GRIP1: variants seen among roughly 807,000 people sequenced by gnomAD.
The protein encoded by GRIP1 is glutamate receptor interacting protein 1.
Under a neutral mutation model 129.9 loss-of-function variants are expected in GRIP1, and 45 were observed. The observed-to-expected ratio is 0.35, with a 90% confidence interval of 0.27 to 0.44. The LOEUF (loss-of-function observed/expected upper bound fraction) is 0.44, where lower values mean the gene tolerates loss of function less well. Among genes scored for constraint, GRIP1 ranks in the 20% least tolerant of loss-of-function variants. GRIP1 has a pLI of 1.00. For synonymous variants in GRIP1, 530 were observed against 520.8 expected (o/e 1.02, Z -0.24); for missense variants, 1,196 against 1,396.8 (o/e 0.86, Z 2.29).
intron 1 of GRIP1, among the ~76,000 whole-genome samples, chr12:66,598,604 C>A (rs2064149446): frequency 6.6e-6 from 1 of 152,200 alleles, no homozygotes. Flanking sequence ...GCGCTTTTCT[C>A]ACAGTGTTAA....
chr12:66,388,993 T>C (rs1454575063), intron 19 of GRIP1, among the ~76,000 whole-genome samples: 1 of 152,174 alleles, frequency 6.6e-6, no homozygotes, highest in East Asian at 1.9e-4. Flanking sequence ...TAAGGAATGT[T>C]GCTGCAAAGA....
intron 1 of GRIP1, among the ~76,000 whole-genome samples, chr12:66,876,784 T>C (rs1284228739): frequency 1.3e-5 from 2 of 152,022 alleles, no homozygotes; most frequent in South Asian, 2.1e-4. Flanking sequence ...GGGCATTTGG[T>C]AGGCAAAGTT....
At chr12:66,358,299 A>G (rs1429435055) in intron 23 of GRIP1, among the ~76,000 whole-genome samples, 3 of 152,088 alleles carry the variant, frequency 2.0e-5, no homozygotes, top group East Asian at 3.8e-4. Context: ...TGTCCTTTTG[A>G]TAGGATCCAT....
chr12:66,983,446 TGACA>T (rs2042266845), intron 1 of GRIP1, among the ~76,000 whole-genome samples: 1 of 152,168 alleles, frequency 6.6e-6, no homozygotes, highest in South Asian at 2.1e-4. Flanking sequence ...GTAATCTTAC[TGACA>T]ATGAATGGAC....
chr12:66,579,372 C>T lies in GRIP1; in HGVS notation c.136+17475G>A, dbSNP rs1488475198. Among the ~76,000 whole-genome samples, 4 of 152,298 alleles carry T rather than the reference C, an allele frequency of 2.6e-5. No homozygotes were observed. The East Asian group carries it at 5.8e-4, about 22-fold the overall frequency. On this transcript the variant is annotated intron_variant, in intron 2 of 24. Transcript: ENST00000359742. The stretch of plus-strand genomic sequence containing the variant: ...AAGCACCTCTCCTCCTCCAAAGGAT[C>T]GCAGTTCCTCACCAGCAATGGAACA...
intron 1 of GRIP1, among the ~76,000 whole-genome samples, chr12:66,979,073 C>T (rs1403124867): frequency 6.6e-6 from 1 of 151,936 alleles, no homozygotes; most frequent in African/African-American, 2.4e-5. Flanking sequence ...ATTTACTAAA[C>T]CTGCTGAGAT....
chr12:66,977,736 T>C (rs1032610348), intron 1 of GRIP1, among the ~76,000 whole-genome samples: 5 of 151,028 alleles, frequency 3.3e-5, no homozygotes, highest in Non-Finnish European at 5.9e-5. Context: ...CAATGTAAGA[T>C]ATAACACCCA....
Position 66,349,175 on chromosome 12 carries a change from C to T in GRIP1, c.3231G>A (p.Lys1077=), listed in dbSNP as rs778582549. 4.3e-6 allele frequency: 7 copies of T among 1,613,940 alleles called. No individual in the cohort carries two copies. The highest frequency in any genetic ancestry group is 5.9e-6 in the Non-Finnish European group (7 of 1,179,952). Reference sequence around the variant, plus strand: ...GGTTTCTACTAATAACCAGGTCCAGCTTATTCCCGGATTCTGCTATGAGGG... The same window carrying T: ...GGTTTCTACTAATAACCAGGTCCAGTTTATTCCCGGATTCTGCTATGAGGG... The part of the protein sequence containing the change: ...VVPLIAESGN[K]LDLVISRNPL... Residue 1077 remains lysine (K), a synonymous_variant, in exon 25 of 25, where the codon AAG becomes AAA. Transcript: ENST00000359742.
chr12:66,988,279 T>C (rs538298564), intron 1 of GRIP1, among the ~76,000 whole-genome samples: 3 of 152,328 alleles, frequency 2.0e-5, no homozygotes, highest in Admixed American at 6.5e-5. Flanking sequence ...TGAAACTCTG[T>C]CTCAAAAATA....
At chr12:66,780,829 G>C (rs867754636) in intron 1 of GRIP1, among the ~76,000 whole-genome samples, 3 of 152,176 alleles carry the variant, frequency 2.0e-5, no homozygotes, top group Non-Finnish European at 4.4e-5. Context: ...CTGTCATACT[G>C]TGAGAAAGCT....
intron 19 of GRIP1, among the ~76,000 whole-genome samples, chr12:66,385,686 T>G (rs2056328300): frequency 6.6e-6 from 1 of 152,138 alleles, no homozygotes; most frequent in African/African-American, 2.4e-5. Flanking sequence ...CTTGGCTCAC[T>G]GTAACCTCCA....
intron 1 of GRIP1, among the ~76,000 whole-genome samples, chr12:67,010,820 C>A (rs1271063294): frequency 2.0e-5 from 3 of 151,962 alleles, no homozygotes; most frequent in East Asian, 1.9e-4. Flanking sequence ...ACTGTCTCCC[C>A]CCCAGCGCAG....
At chr12:66,393,760 A>C (rs2056684299) in intron 17 of GRIP1, among the ~76,000 whole-genome samples, 1 of 152,148 alleles carries the variant, frequency 6.6e-6, no homozygotes, top group Non-Finnish European at 1.5e-5. Context: ...TGGGTTATAC[A>C]CTTTGTTTCC....
At chr12:66,483,892 C>T (rs375207868) in intron 7 of GRIP1, among the ~76,000 whole-genome samples, 6 of 151,034 alleles carry the variant, frequency 4.0e-5, no homozygotes, top group African/African-American at 1.5e-4. Flanking sequence ...CGGAGTCTCG[C>T]TCTGTCGCCC....
chr12:67,048,048 T>C (rs913243633), intron 1 of GRIP1, among the ~76,000 whole-genome samples: 2 of 152,186 alleles, frequency 1.3e-5, no homozygotes, highest in Non-Finnish European at 2.9e-5. Flanking sequence ...CTTAGTCACC[T>C]GGCCATATCA....
In GRIP1 at chr12:66,445,485, C is replaced by A; in HGVS notation, c.1378G>T (p.Gly460Ter). The change falls in exon 12 of 25, where the codon GGA becomes TGA. Residue 460 changes from glycine to a stop codon, truncating the protein, a stop_gained. Transcript: ENST00000359742. LOFTEE classifies it high-confidence loss of function. ...SSLSLASSTV[G>*]LAGQVVHTET... ...GTGTGAACAACCTGCCCAGCCAATC[C>A]TACTGTGCTGGAGGCTAAGGACACT... 6.2e-7 allele frequency: 1 copy of A among 1,613,740 alleles called. No individual in the cohort carries two copies. Among genetic ancestry groups the A allele is most frequent in the South Asian group, 1.1e-5 (1 of 91,046 alleles).
chr12:66,712,928 C>T (rs1402450728), intron 1 of GRIP1, among the ~76,000 whole-genome samples: 1 of 151,918 alleles, frequency 6.6e-6, no homozygotes, highest in Non-Finnish European at 1.5e-5. Flanking sequence ...TCTTTTTCAT[C>T]TCTATATTCC....
chr12:66,411,616 T>C (rs2057406327), intron 15 of GRIP1, among the ~76,000 whole-genome samples: 1 of 152,228 alleles, frequency 6.6e-6, no homozygotes, highest in Admixed American at 6.5e-5. Context: ...GGCACAGAAC[T>C]GGGCTGAAGC....
At chr12:66,994,751 T>G (rs1188315489) in intron 1 of GRIP1, among the ~76,000 whole-genome samples, 3 of 152,028 alleles carry the variant, frequency 2.0e-5, no homozygotes, top group Non-Finnish European at 4.4e-5. Context: ...CTTAATATTG[T>G]TAAGATGGTA....
Sources: allele counts gnomAD v4.1 joint callset (sites outside exome capture counted in the v4.1 genomes callset), GRCh38; gene constraint gnomAD v4.1.1; transcripts MANE v1.5; gene names NCBI Gene and HGNC (gene_info 2026-07-23, HGNC 2026-07-21).